The following LRRK1 variants were observed in gnomAD, a reference collection of about 807,000 sequenced individuals.
The protein encoded by LRRK1 is leucine rich repeat kinase 1.
A neutral mutation model predicts 209.1 loss-of-function variants in LRRK1; 113 were observed. The observed-to-expected ratio is 0.54, with a 90% confidence interval of 0.46 to 0.63. The LOEUF (loss-of-function observed/expected upper bound fraction) is 0.63. LRRK1 is among the 30% of genes least tolerant of loss of function. The pLI is 0.00. For synonymous variants in LRRK1, 1,144 were observed against 1,099.7 expected (o/e 1.04, Z -0.80); for missense variants, 2,284 against 2,632.2 (o/e 0.87, Z 2.89).
chr15:101,053,488 CG>C (rs1387736570), intron 26 of LRRK1, 68 bp downstream of exon 26: 11 of 1,382,252 alleles, frequency 8.0e-6, no homozygotes, highest in Admixed American at 4.1e-5. Flanking sequence ...CTGCCTGGCA[CG>C]GGGGGTAGAG....
intron 29 of LRRK1, among the ~76,000 whole-genome samples, chr15:101,060,783 C>CT (rs2036123018): frequency 1.3e-5 from 2 of 152,250 alleles, no homozygotes; most frequent in Non-Finnish European, 2.9e-5. Flanking sequence ...AGTGCCCCCC[C>CT]GCCCCAACCC....
At chr15:100,956,455 C>CTTTTTCTTTTTTT in intron 2 of LRRK1, among the ~76,000 whole-genome samples, 6 of 60,502 alleles carry the variant, frequency 9.9e-5, no homozygotes, top group South Asian at 5.5e-4. Flanking sequence ...TTTTTTTTTT[C>CTTTTTCTTTTTTT]TTTTTTTTTT....
At chr15:101,059,362 C>T (rs2036018663) in intron 29 of LRRK1, among the ~76,000 whole-genome samples, 1 of 152,184 alleles carries the variant, frequency 6.6e-6, no homozygotes, top group South Asian at 2.1e-4. Context: ...TGTGCCACTG[C>T]ACTCCAGCCT....
At position 101,024,706 on chromosome 15, in the gene LRRK1, C is replaced by T. The variant is rs1031747367; in HGVS notation, c.2068-97C>T. The T allele has an allele frequency of 2.0e-5, 27 of 1,326,194 alleles. No homozygotes were observed. Among genetic ancestry groups the T allele is most frequent in the Admixed American group, 6.4e-5 (3 of 46,920 alleles). 82.2% of individuals were successfully genotyped at this position (1,326,194 alleles called of 1,614,324 possible). ...TTCCACGGTTGTTTTTTCAGACCCC[C>T]GAGTCCAGCCTCCAGAGTTATCCGT... On this transcript the variant is annotated intron_variant, in intron 15 of 33. Coordinates refer to ENST00000388948, the MANE Select transcript of LRRK1 (RefSeq NM_024652.6). This position sits in a 1 kb window ranked among gnomAD's most constrained non-coding sequence, Gnocchi z 4.6.
chr15:100,945,895 A>G (rs1188645430), intron 2 of LRRK1, among the ~76,000 whole-genome samples: 1 of 152,194 alleles, frequency 6.6e-6, no homozygotes, highest in Admixed American at 6.5e-5. Context: ...TTAACCTATA[A>G]TTAGATGCTC....
chr15:101,012,241 G>A, intron 10 of LRRK1, 96 bp downstream of exon 10: 1 of 1,113,970 alleles, frequency 9.0e-7, no homozygotes, highest in Non-Finnish European at 1.3e-6. Context: ...GAGCTTCTGA[G>A]ATAAATATAA....
chr15:100,967,078 A>T (rs2030512335), intron 2 of LRRK1, among the ~76,000 whole-genome samples: 1 of 152,230 alleles, frequency 6.6e-6, no homozygotes, highest in Admixed American at 6.5e-5. Context: ...CTGAGAGACA[A>T]GCAATGACAT....
At chr15:100,970,922 T>C (rs2030827096) in intron 2 of LRRK1, among the ~76,000 whole-genome samples, 1 of 152,258 alleles carries the variant, frequency 6.6e-6, no homozygotes, top group East Asian at 1.9e-4. Context: ...TTTCTAAGAA[T>C]GTAATTTTAT....
intron 6 of LRRK1, among the ~76,000 whole-genome samples, chr15:100,991,836 C>G (rs1165882119): frequency 6.6e-6 from 1 of 152,154 alleles, no homozygotes; most frequent in Admixed American, 6.5e-5. Flanking sequence ...TTGCTCTGGA[C>G]AGTTAGCAAA....
At chr15:101,004,186 A>G (rs950996603) in intron 6 of LRRK1, among the ~76,000 whole-genome samples, 5 of 152,138 alleles carry the variant, frequency 3.3e-5, no homozygotes, top group African/African-American at 1.2e-4. Context: ...TAGGAAGGCA[A>G]AGGGCATCGC....
chr15:100,989,108 G>A (rs913384866), intron 5 of LRRK1, 142 bp from the exon 6 acceptor site: 2 of 796,112 alleles, frequency 2.5e-6, no homozygotes, highest in Non-Finnish European at 4.1e-6. Context: ...ACAGAAACTT[G>A]ATGCACCAAG....
At chr15:101,007,177 G>T (rs1201757594) in intron 6 of LRRK1, among the ~76,000 whole-genome samples, 1 of 152,228 alleles carries the variant, frequency 6.6e-6, no homozygotes, top group Non-Finnish European at 1.5e-5. Flanking sequence ...CCCGTCACCT[G>T]CCGCCAATTT....
intron 2 of LRRK1, among the ~76,000 whole-genome samples, chr15:100,958,576 C>A (rs528021156): frequency 9.8e-5 from 15 of 152,322 alleles, no homozygotes; most frequent in Non-Finnish European, 1.8e-4. Flanking sequence ...TCCCAGATGG[C>A]TAAGGAATAA....
chr15:101,013,196 A>G (rs1356721300), intron 10 of LRRK1, among the ~76,000 whole-genome samples: 6 of 152,150 alleles, frequency 3.9e-5, no homozygotes, highest in Non-Finnish European at 7.3e-5. Flanking sequence ...GGTCTGGCAC[A>G]TGGCAGGGTC....
Position 100,973,398 on chromosome 15 carries a change from G to A in LRRK1, c.98-406G>A, listed in dbSNP as rs543312973. Among the ~76,000 whole-genome samples, 409 of 152,342 alleles carry A rather than the reference G, an allele frequency of 2.7e-3. 1 individual carries two copies. The highest frequency in any genetic ancestry group is 4.7e-3 in the Non-Finnish European group (321 of 68,016). ...AGCGTCTGGATGTCCACACCCCCGG[G>A]AGGTGGCCTGTCTTTCCCCCGTGGG... On this transcript the variant is annotated intron_variant, in intron 2 of 33. Transcript: ENST00000388948.
intron 3 of LRRK1, among the ~76,000 whole-genome samples, chr15:100,975,462 C>T (rs1039207473): frequency 3.9e-5 from 6 of 152,136 alleles, no homozygotes; most frequent in African/African-American, 1.4e-4. Flanking sequence ...TAAAGGAAAA[C>T]AGAGTCCAGG....
At chr15:100,992,651 GGTTTT>G (rs10616706) in intron 6 of LRRK1, among the ~76,000 whole-genome samples, 8,035 of 151,884 alleles carry the variant, frequency 0.053, 495 homozygotes, top group African/African-American at 0.15. Flanking sequence ...TTGTTTTTGG[GGTTTT>G]GTTTTGTTTT....
chr15:101,034,739 T>C (rs2034429139), intron 20 of LRRK1, among the ~76,000 whole-genome samples: 1 of 152,168 alleles, frequency 6.6e-6, no homozygotes. Context: ...CTATTCAATC[T>C]CTTGTTTGGT....
In LRRK1 at chr15:100,919,407, C is replaced by G. The variant is rs2041976502; in HGVS notation, c.-167C>G. On this transcript the variant is annotated 5_prime_UTR_variant, in exon 1 of 34. Coordinates refer to ENST00000388948, the MANE Select transcript of LRRK1 (RefSeq NM_024652.6). This position sits in a 1 kb window ranked among gnomAD's most constrained non-coding sequence, Gnocchi z 5.8. ...CGGCCCCGCCAGTGTGTCCGCCCGGCCCCGCGTCCCGGAGCGCCCGCACCC... is the reference window on the plus strand; with the variant it reads ...CGGCCCCGCCAGTGTGTCCGCCCGGGCCCGCGTCCCGGAGCGCCCGCACCC... 1 of 150,082 alleles carries G rather than the reference C, an allele frequency of 6.7e-6. No homozygotes were observed. Among genetic ancestry groups the G allele is most frequent in the Non-Finnish European group, 1.5e-5 (1 of 67,094 alleles). 9.3% of individuals were successfully genotyped at this position (150,082 alleles called of 1,614,324 possible). A position where few individuals can be genotyped will look rare whatever the true frequency, so the allele number is the denominator to read the frequency against.
Sources: allele counts gnomAD v4.1 joint callset (sites outside exome capture counted in the v4.1 genomes callset), GRCh38; gene constraint gnomAD v4.1.1; non-coding constraint Gnocchi (gnomAD v3.1); transcripts MANE v1.5; gene names NCBI Gene and HGNC (gene_info 2026-07-23, HGNC 2026-07-21).